OGA: variants seen among roughly 807,000 people sequenced by gnomAD.
The protein encoded by OGA is O-GlcNAcase, also known as protein O-GlcNAcase.
OGA carries 21 observed loss-of-function variants against 102.0 expected under a neutral mutation model. The observed-to-expected ratio is 0.21, with a 90% CI of 0.15 to 0.30. The LOEUF (loss-of-function observed/expected upper bound fraction) is 0.30, where lower values mean the gene tolerates loss of function less well. OGA is among the 10% of genes least tolerant of loss of function. The pLI, the probability that OGA is intolerant of heterozygous loss-of-function variation, is 1.00. For missense variants in OGA, 765 were observed against 1,107.8 expected, an observed-to-expected ratio of 0.69 and a Z score of 4.39; for synonymous variants, 408 against 378.2, an observed-to-expected ratio of 1.08 and a Z score of -0.91.
chr10:101,795,822 TA>T, intron 10 of OGA: 1 of 796,652 alleles, frequency 1.3e-6, no homozygotes, highest in South Asian at 5.7e-5. Flanking sequence ...AAATAAAAAA[TA>T]AAAAAACTCA....
chr10:101,799,254 T>A lies in OGA; in HGVS notation c.1397A>T (p.Asp466Val), dbSNP rs1166803867. 6.2e-7 allele frequency: 1 copy of A among 1,614,094 alleles called. No homozygotes were observed. The highest frequency in any genetic ancestry group is 8.5e-7 in the Non-Finnish European group (1 of 1,180,044). ...TTCTTCTTGTTTTTCCACCACCATG[T>A]CCATGGGTTCTTCATCAGGCTGTTT... ...EKKQPDEEPM[D>V]MVVEKQEETD... is the part of the protein sequence containing the mutation. The change falls in exon 9 of 16, where the codon GAC (aspartate) becomes GTC (valine). Residue 466 changes from aspartate (D) to valine (V), a missense_variant. By Grantham distance (152) the Asp-to-Val change is radical (BLOSUM62 -3). This residue lies in a region of OGA where 281 missense variants were observed against 345.8 expected (regional missense o/e 0.81). Transcript: ENST00000361464.
At chr10:101,793,713 G>C in intron 11 of OGA, 200 bp downstream of exon 11, 1 of 505,950 alleles carries the variant, frequency 2.0e-6, no homozygotes, top group Middle Eastern at 5.7e-4. Flanking sequence ...CGCAGGCGCG[G>C]GGGGGATTGG....
At position 101,793,987 on chromosome 10, in the gene OGA, G is replaced by T; in HGVS notation, c.1996C>A (p.His666Asn). The change falls in exon 11 of 16, where the codon CAT (histidine) becomes AAT (asparagine). Residue 666 changes from histidine to asparagine, a missense_variant. This residue lies in a region of OGA where 10 missense variants were observed against 47.8 expected (regional missense o/e 0.21). Transcript: ENST00000361464. ...SFVQWLGCRSHSSAQFLIGDQ... is the reference protein window; with the variant it reads ...SFVQWLGCRSNSSAQFLIGDQ... ...CCAATTAAGAATTGTGCTGAAGAAT[G>T]ACTACGACACCCTGTTGAGATCAGA... is the stretch of plus-strand genomic sequence containing the variant. 3 of 1,613,292 alleles carry T rather than the reference G, an allele frequency of 1.9e-6. No homozygotes were observed. Among genetic ancestry groups the T allele is most frequent in the South Asian group, 1.1e-5 (1 of 91,028 alleles).
chr10:101,799,590 G>T, intron 8 of OGA, 135 bp from the exon 9 acceptor site: 1 of 940,200 alleles, frequency 1.1e-6, no homozygotes, highest in Non-Finnish European at 1.5e-6. Context: ...AAATTAATTT[G>T]ACCTCTAAGA....
rs568974054 is a variant in OGA, at chr10:101,804,078, C to T, written c.752-59G>A. 2,852 of 1,476,832 alleles carry T rather than the reference C, an allele frequency of 1.9e-3. 7 individuals carry two copies. Among genetic ancestry groups the T allele is most frequent in the Non-Finnish European group, 2.3e-3 (2,470 of 1,084,080 alleles). The allele number at this position is 1,476,832 out of a possible 1,614,324, so 91.5% of individuals were successfully genotyped here. A position where few individuals can be genotyped will look rare whatever the true frequency, so the allele number is the denominator to read the frequency against. On this transcript the variant is annotated intron_variant, in intron 6 of 15. Transcript: ENST00000361464. ...CATGGTTCTTGGCTAGACGCATTGG[C>T]TCATAACTGTAATCCCAGCACTCTG...
rs190693640 is a variant in OGA at position 101,799,697 on chromosome 10, T to C, written c.1196-242A>G. ...TACTATTACATTCTCTTTTGAAAAT[T>C]TGTGTCTAAAAACCCTTAAATTACT... On this transcript the variant is annotated intron_variant, in intron 8 of 15. Coordinates refer to ENST00000361464, the MANE Select transcript of OGA (RefSeq NM_012215.5). Among the ~76,000 whole-genome samples the C allele has an allele frequency of 6.4e-4, 97 of 152,316 alleles. 2 individuals are homozygous for C. The highest frequency in any genetic ancestry group is 6.3e-3 in the Admixed American group (96 of 15,292).
intron 4 of OGA, among the ~76,000 whole-genome samples, chr10:101,808,650 T>C (rs1228135644): frequency 6.6e-6 from 1 of 152,050 alleles, no homozygotes; most frequent in Admixed American, 6.6e-5. Context: ...AAGACATGTA[T>C]ATAGAAAAAC....
intron 10 of OGA, among the ~76,000 whole-genome samples, chr10:101,795,365 C>T (rs567660904): frequency 2.0e-4 from 30 of 152,312 alleles, no homozygotes; most frequent in Admixed American, 1.8e-3. Flanking sequence ...TTAAATCTAC[C>T]TGAGCTACCT....
intron 12 of OGA, chr10:101,792,549 A>G (rs1471897515): frequency 1.1e-5 from 3 of 261,946 alleles, no homozygotes; most frequent in Non-Finnish European, 2.2e-5. Flanking sequence ...ATTAGAGATA[A>G]TTAGTCTAAG....
rs925442907 is a variant in OGA, at chr10:101,785,972, C to A, written c.*479G>T. The stretch of plus-strand genomic sequence containing the variant: ...CAGCTTAAACTAATGCCACAACCAT[C>A]CCACTTGGAATCACTCCACCCTGAC... On this transcript the variant is annotated 3_prime_UTR_variant, in exon 16 of 16. Transcript: ENST00000361464. The A allele has an allele frequency of 6.6e-6, 1 of 152,496 alleles. No homozygotes were observed. The highest frequency in any genetic ancestry group is 1.5e-5 in the Non-Finnish European group (1 of 68,204). The allele number at this position is 152,496 out of a possible 1,614,324, so 9.4% of individuals were successfully genotyped here. A position where few individuals can be genotyped will look rare whatever the true frequency, so the allele number is the denominator to read the frequency against.
At chr10:101,801,784 T>C (rs2065395744) in intron 7 of OGA, among the ~76,000 whole-genome samples, 1 of 152,192 alleles carries the variant, frequency 6.6e-6, no homozygotes, top group Non-Finnish European at 1.5e-5. Context: ...ATGACAACTA[T>C]TAATATTACT....
intron 3 of OGA, among the ~76,000 whole-genome samples, chr10:101,811,635 C>A (rs1332915602): frequency 6.6e-6 from 1 of 151,642 alleles, no homozygotes; most frequent in Non-Finnish European, 1.5e-5. Context: ...CCGGGGAGAT[C>A]AAAATTGCAG....
In OGA at chr10:101,806,154, G is replaced by A; in HGVS notation, c.653-11C>T. On this transcript the variant is annotated splice_polypyrimidine_tract_variant and intron_variant, in intron 5 of 15. Coordinates refer to ENST00000361464, the MANE Select transcript of OGA (RefSeq NM_012215.5). ...AAGTGCCACAGTATTCTAAATGTAG[G>A]GAGAAAAGTAAAAAAGTCAGAATTA... 6.6e-7 allele frequency: 1 copy of A among 1,511,194 alleles called. No homozygotes were observed. Among genetic ancestry groups the A allele is most frequent in the Non-Finnish European group, 9.2e-7 (1 of 1,088,132 alleles). 93.6% of individuals were successfully genotyped at this position (1,511,194 alleles called of 1,614,324 possible).
At chr10:101,812,708 G>A (rs923897081) in intron 3 of OGA, 7 of 370,888 alleles carry the variant, frequency 1.9e-5, no homozygotes, top group Non-Finnish European at 3.6e-5. Context: ...CACTTGCCTT[G>A]CCCTGGGCCT....
At chr10:101,790,077 G>A (rs1326292606) in intron 14 of OGA, among the ~76,000 whole-genome samples, 3 of 152,142 alleles carry the variant, frequency 2.0e-5, no homozygotes, top group South Asian at 2.1e-4. Context: ...ATGTATTTAA[G>A]TTGGGACAGG....
chr10:101,809,867 GC>G (rs2135086501), intron 4 of OGA, among the ~76,000 whole-genome samples: 1 of 151,670 alleles, frequency 6.6e-6, no homozygotes, highest in African/African-American at 2.4e-5. Context: ...CATGGTGAAG[GC>G]CCTGTCTCTA....
chr10:101,814,324 T>C (rs925035111), intron 1 of OGA, among the ~76,000 whole-genome samples: 2 of 148,248 alleles, frequency 1.3e-5, no homozygotes, highest in Non-Finnish European at 3.0e-5. Flanking sequence ...CAAGACTCCA[T>C]CTCAAACAAC....
Position 101,813,021 on chromosome 10 carries a change from A to G in OGA, c.349+9T>C, listed in dbSNP as rs2065579492. The G allele has an allele frequency of 8.2e-6, 13 of 1,585,024 alleles. No individual in the cohort carries two copies. The highest frequency in any genetic ancestry group is 1.1e-5 in the Non-Finnish European group (13 of 1,158,914). On this transcript the variant is annotated intron_variant, in intron 3 of 15. Transcript: ENST00000361464. ...ATTTTGAATTTATGGATAAAAAGAA[A>G]AAGATTACCAGCTTCCTCCACTGAA...
chr10:101,792,743 A>G, intron 12 of OGA, 96 bp downstream of exon 12: 1 of 834,744 alleles, frequency 1.2e-6, no homozygotes, highest in East Asian at 2.6e-5. Context: ...TTGCAGTTTT[A>G]AGACAGAAGG....
Sources: allele counts gnomAD v4.1 joint callset (sites outside exome capture counted in the v4.1 genomes callset), GRCh38; gene constraint gnomAD v4.1.1; regional missense constraint gnomAD v4.1.1; transcripts MANE v1.5; gene names NCBI Gene and HGNC (gene_info 2026-07-23, HGNC 2026-07-21).